Variants in TMEM132B observed in about 807,000 individuals in gnomAD.
The protein encoded by TMEM132B is transmembrane protein 132B.
TMEM132B carries 18 observed loss-of-function variants against 90.8 expected under a neutral mutation model. The ratio of observed to expected loss-of-function variants is 0.20; its 90% CI spans 0.14 to 0.29. The LOEUF is 0.29. Ranked by LOEUF, TMEM132B falls within the 10% of genes least tolerant of loss-of-function variation. The pLI, the probability that TMEM132B is intolerant of heterozygous loss-of-function variation, is 1.00. For missense variants in TMEM132B, 1,096 were observed against 1,326.8 expected (o/e 0.83, Z 2.70); for synonymous variants, 504 against 523.3 (o/e 0.96, Z 0.50).
At chr12:125,240,008 C>G (rs1267974636) in intron 1 of TMEM132B, among the ~76,000 whole-genome samples, 6 of 152,326 alleles carry the variant, frequency 3.9e-5, no homozygotes, top group East Asian at 3.9e-4. Flanking sequence ...CCCAATTCAG[C>G]TGGTGGCATC....
intron 3 of TMEM132B, among the ~76,000 whole-genome samples, chr12:125,442,906 C>T (rs192727573): frequency 3.3e-5 from 5 of 152,308 alleles, no homozygotes; most frequent in African/African-American, 7.2e-5. Context: ...TGCCCCTGGT[C>T]GCTAGTCGAC....
At chr12:125,320,807 A>G (rs1876409411) in intron 1 of TMEM132B, among the ~76,000 whole-genome samples, 1 of 152,222 alleles carries the variant, frequency 6.6e-6, no homozygotes. Flanking sequence ...TATGGAAAGC[A>G]ACACATCTTC....
intron 1 of TMEM132B, among the ~76,000 whole-genome samples, chr12:125,274,476 C>T (rs1158266692): frequency 1.3e-5 from 2 of 152,176 alleles, no homozygotes; most frequent in African/African-American, 4.8e-5. Flanking sequence ...AGTGGTTGTC[C>T]AGGTTGATCC....
chr12:125,327,853 G>A (rs1229182234), intron 1 of TMEM132B, among the ~76,000 whole-genome samples: 2 of 152,192 alleles, frequency 1.3e-5, no homozygotes, highest in Non-Finnish European at 2.9e-5. Context: ...GATATATAAA[G>A]CAGGCGGGCT....
chr12:125,233,706 C>G (rs1186691580), intron 1 of TMEM132B, among the ~76,000 whole-genome samples: 1 of 152,206 alleles, frequency 6.6e-6, no homozygotes, highest in Non-Finnish European at 1.5e-5. Context: ...TAGTCTGAAT[C>G]AAAACAGACT....
chr12:125,365,555 TA>T (rs1878103046), intron 2 of TMEM132B, among the ~76,000 whole-genome samples: 1 of 152,138 alleles, frequency 6.6e-6, no homozygotes, highest in Admixed American at 6.5e-5. Flanking sequence ...CTTCAGCATG[TA>T]TGACTTCTCT....
At chr12:125,190,719 T>G (rs1593035386) in intron 1 of TMEM132B, among the ~76,000 whole-genome samples, 2 of 13,464 alleles carry the variant, frequency 1.5e-4, no homozygotes, top group African/African-American at 6.8e-4. Flanking sequence ...GTGGTGATGG[T>G]GATGGCAAGG....
intron 1 of TMEM132B, among the ~76,000 whole-genome samples, chr12:125,313,669 C>T (rs1245010981): frequency 2.2e-5 from 2 of 89,770 alleles, no homozygotes; most frequent in African/African-American, 8.9e-5. Context: ...TCACCCCTTA[C>T]CCCTCTCCCC....
chr12:125,228,863 T>C (rs11058083), intron 1 of TMEM132B, among the ~76,000 whole-genome samples: 5,451 of 152,306 alleles, frequency 0.036, 126 homozygotes, highest in Non-Finnish European at 0.049. Context: ...GACCAGGTGC[T>C]AGCCCATGAG....
At chr12:125,331,039 A>C (rs1000399124) in intron 1 of TMEM132B, among the ~76,000 whole-genome samples, 1 of 152,170 alleles carries the variant, frequency 6.6e-6, no homozygotes, top group African/African-American at 2.4e-5. Flanking sequence ...TCTCTGGAAG[A>C]GGGGAGGGAT....
chr12:125,282,067 CTT>C (rs929498286), intron 1 of TMEM132B, among the ~76,000 whole-genome samples: 9 of 112,024 alleles, frequency 8.0e-5, no homozygotes, highest in Non-Finnish European at 9.1e-5. Context: ...AAAAGAGAGA[CTT>C]TTGAAGCTTG....
At chr12:125,568,399 G>A (rs934152979) in intron 4 of TMEM132B, among the ~76,000 whole-genome samples, 1 of 152,154 alleles carries the variant, frequency 6.6e-6, no homozygotes, top group African/African-American at 2.4e-5. Flanking sequence ...CTCACTGGGA[G>A]GAGGGGGTCT....
In TMEM132B at chr12:125,356,354, G is replaced by A. The variant is rs147803501; in HGVS notation, c.959+6011G>A. ...TGTGCCACAGTTTCCCAATCTGTAC[G>A]TGGGGACAGTTTATGCTTTAAGTGA... On this transcript the variant is annotated intron_variant, in intron 2 of 8. Coordinates refer to ENST00000682704, the MANE Select transcript of TMEM132B (RefSeq NM_001366854.1). 2.1e-3 allele frequency among the ~76,000 whole-genome samples: 320 copies of A among 152,272 alleles called. 3 individuals carry two copies. Among genetic ancestry groups the A allele is most frequent in the African/African-American group, 6.9e-3 (287 of 41,548 alleles).
intron 1 of TMEM132B, among the ~76,000 whole-genome samples, chr12:125,233,857 T>C (rs1427210608): frequency 6.6e-6 from 1 of 152,178 alleles, no homozygotes; most frequent in Non-Finnish European, 1.5e-5. Context: ...GACTCTCTCT[T>C]ATTCAACTGC....
chr12:125,596,778 A>G (rs1369145950), intron 5 of TMEM132B, among the ~76,000 whole-genome samples: 1 of 152,204 alleles, frequency 6.6e-6, no homozygotes, highest in East Asian at 1.9e-4. Context: ...GAACAGAGAG[A>G]TGAATAAGTA....
chr12:125,326,966 C>G (rs912400378), intron 1 of TMEM132B, among the ~76,000 whole-genome samples: 3 of 152,066 alleles, frequency 2.0e-5, no homozygotes, highest in African/African-American at 7.2e-5. Context: ...CCTGCCTTCT[C>G]TAACAACACA....
In TMEM132B at chr12:125,288,419, C is replaced by T. The variant is rs185471678; in HGVS notation, c.68-61033C>T. Among the ~76,000 whole-genome samples, 214 of 147,280 alleles carry T rather than the reference C, an allele frequency of 1.5e-3. 2 individuals are homozygous for T. Among genetic ancestry groups the T allele is most frequent in the African/African-American group, 4.6e-3 (183 of 40,020 alleles). ...CAGAGGTTGCAGTGAGCCAACATCG[C>T]GCCACTGCACTCCAGCCTGGGCGAC... is the stretch of plus-strand genomic sequence containing the variant. On this transcript the variant is annotated intron_variant, in intron 1 of 8. Coordinates refer to ENST00000682704, the MANE Select transcript of TMEM132B (RefSeq NM_001366854.1).
chr12:125,441,200 ATAAC>A (rs1880858649), intron 3 of TMEM132B, among the ~76,000 whole-genome samples: 1 of 152,228 alleles, frequency 6.6e-6, no homozygotes, highest in African/African-American at 2.4e-5. Context: ...CACAGAATAA[ATAAC>A]CTGTAATATT....
intron 5 of TMEM132B, among the ~76,000 whole-genome samples, chr12:125,620,178 T>C: frequency 6.6e-6 from 1 of 152,248 alleles, no homozygotes; most frequent in East Asian, 1.9e-4. Context: ...ACGGCACATG[T>C]GCCACTGGGG....
Sources: allele counts gnomAD v4.1 joint callset (sites outside exome capture counted in the v4.1 genomes callset), GRCh38; gene constraint gnomAD v4.1.1; transcripts MANE v1.5; gene names NCBI Gene and HGNC (gene_info 2026-07-23, HGNC 2026-07-21).